GSDMB: variants seen among roughly 807,000 people sequenced by gnomAD.
The protein encoded by GSDMB is gasdermin B, also known as gasdermin-B.
GSDMB carries 32 observed loss-of-function variants against 42.9 expected under a neutral mutation model. The ratio of observed to expected loss-of-function variants is 0.75; its 90% CI spans 0.56 to 1.00. The LOEUF is 1.00. Among genes scored for constraint, GSDMB ranks in the 50% least tolerant of loss-of-function variants. The pLI, the probability that GSDMB is intolerant of heterozygous loss-of-function variation, is 0.00. For missense variants in GSDMB, 468 were observed against 498.5 expected, an observed-to-expected ratio of 0.94 and a Z score of 0.58; for synonymous variants, 175 against 193.7, an observed-to-expected ratio of 0.90 and a Z score of 0.80.
intron 2 of GSDMB, 31 bp downstream of exon 2, chr17:39,917,051 G>A: frequency 2.7e-6 from 4 of 1,456,866 alleles, no homozygotes; most frequent in South Asian, 2.3e-5. Context: ...AGGCCTCCTG[G>A]CTGGCCACCT....
rs761547685 is a variant in GSDMB, at chr17:39,909,879, C to A, written c.453G>T (p.Thr151=). ...ELPFSFRSIN[T]RENLYLVTET... ...CTGTCACCAGATACAGGTTTTCTCT[C>A]GTATTAATTGATCGGAATGAAAAGG... The change falls in exon 4 of 11, where the codon ACG becomes ACT. Residue 151 remains threonine (T), a synonymous_variant. Transcript: ENST00000418519. 2.5e-6 allele frequency: 4 copies of A among 1,613,726 alleles called. No homozygotes were observed. The highest frequency in any genetic ancestry group is 3.4e-6 in the Non-Finnish European group (4 of 1,179,606).
chr17:39,912,610 T>G (rs1341452817), intron 2 of GSDMB, 113 bp from the exon 3 acceptor site: 1 of 776,118 alleles, frequency 1.3e-6, no homozygotes, highest in Non-Finnish European at 2.2e-6. Flanking sequence ...TCCCCCTCCC[T>G]TCTGAGGGAG....
intron 3 of GSDMB, among the ~76,000 whole-genome samples, chr17:39,910,219 G>A (rs1456234510): frequency 6.6e-6 from 1 of 152,166 alleles, no homozygotes; most frequent in East Asian, 1.9e-4. Context: ...AGCTACTCAG[G>A]AGGCTGAGAC....
Position 39,904,732 on chromosome 17 carries a change from G to T in GSDMB, c.*80C>A. On this transcript the variant is annotated 3_prime_UTR_variant, in exon 11 of 11. Transcript: ENST00000418519. ...TTTTAAAGAGGTCCCACTGGTGACAGGATGGTAGTGGCGATGGCAGTGAGG... is the reference window on the plus strand; with the variant it reads ...TTTTAAAGAGGTCCCACTGGTGACATGATGGTAGTGGCGATGGCAGTGAGG... 1 of 1,174,622 alleles carries T rather than the reference G, an allele frequency of 8.5e-7. No individual in the cohort carries two copies. The highest frequency in any genetic ancestry group is 1.2e-6 in the Non-Finnish European group (1 of 804,804). The allele number at this position is 1,174,622 out of a possible 1,614,324, so 72.8% of individuals were successfully genotyped here.
intron 2 of GSDMB, 94 bp from the exon 3 acceptor site, chr17:39,912,591 G>A (rs2063632404): frequency 8.7e-6 from 8 of 917,388 alleles, no homozygotes; most frequent in South Asian, 8.2e-5. Flanking sequence ...CCTGGGTTCC[G>A]TGCCACCATC....
Position 39,911,975 on chromosome 17 carries a change from C to A in GSDMB, c.407+351G>T, listed in dbSNP as rs369742244. 1.2e-3 allele frequency among the ~76,000 whole-genome samples: 188 copies of A among 151,862 alleles called. 8 individuals are homozygous for A. The South Asian group carries it at 0.038, about 31-fold the overall frequency. On this transcript the variant is annotated intron_variant, in intron 3 of 10. Transcript: ENST00000418519. Reference sequence around the variant, plus strand: ...CAAAAACCAAACAAAAAAAAAACAACCAGGTTTGTCCAAGTCAGAGGAATT... The same window carrying A: ...CAAAAACCAAACAAAAAAAAAACAAACAGGTTTGTCCAAGTCAGAGGAATT...
rs551449472 is a variant in GSDMB, at chr17:39,918,546, C to T, written c.-27G>A. The T allele has an allele frequency of 1.3e-5, 2 of 152,538 alleles. No homozygotes were observed. Among genetic ancestry groups the T allele is most frequent in the African/African-American group, 4.8e-5 (2 of 41,556 alleles). The allele number at this position is 152,538 out of a possible 1,614,324, so 9.4% of individuals were successfully genotyped here. On this transcript the variant is annotated 5_prime_UTR_variant, in exon 1 of 11. Transcript: ENST00000418519. ...AAGTGGTACCCACCTCCTCTCTGAC[C>T]TCAGCTGTTCACCAGAAATGGAAGT...
At position 39,917,491 on chromosome 17, in the gene GSDMB, C is replaced by T. The variant is rs529427200; in HGVS notation, c.-14-161G>A. 1,180 of 598,046 alleles carry T rather than the reference C, an allele frequency of 2.0e-3. 1 individual carries two copies. The highest frequency in any genetic ancestry group is 2.8e-3 in the Non-Finnish European group (938 of 334,212). 37.0% of individuals were successfully genotyped at this position (598,046 alleles called of 1,614,324 possible). On this transcript the variant is annotated intron_variant, in intron 1 of 10. Transcript: ENST00000418519. ...TATACATCCAGATGGCCTGAAGCAA[C>T]TGAAGATCCACAAAAGAAATGAAAA...
intron 2 of GSDMB, 71 bp from the exon 3 acceptor site, chr17:39,912,568 G>A: frequency 2.4e-6 from 3 of 1,229,970 alleles, no homozygotes; most frequent in South Asian, 2.4e-5. Context: ...CACCCTCCCT[G>A]GGGCAGCCCC....
intron 2 of GSDMB, among the ~76,000 whole-genome samples, chr17:39,912,735 GGTA>G (rs1225754476): frequency 6.6e-6 from 1 of 152,128 alleles, no homozygotes; most frequent in Non-Finnish European, 1.5e-5. Flanking sequence ...CATGACCTTG[GGTA>G]AGTCACTTAA....
Position 39,917,147 on chromosome 17 carries a change from G to C in GSDMB, c.170C>G (p.Thr57Ser), listed in dbSNP as rs2144722379. 2 of 1,614,110 alleles carry C rather than the reference G, an allele frequency of 1.2e-6. No individual in the cohort carries two copies. Among genetic ancestry groups the C allele is most frequent in the East Asian group, 4.5e-5 (2 of 44,886 alleles). The change falls in exon 2 of 11, where the codon ACC becomes AGC. Residue 57 changes from threonine (T) to serine (S), a missense_variant. Physicochemically the swap from Thr to Ser is moderately conservative, Grantham distance 58 (BLOSUM62 1). Transcript: ENST00000418519. Reference sequence around the variant, plus strand: ...ATCTGTGTCCAGAATGTCCATCAGGGTGAGGCCTGTTGTGTAGTGCCGGCA... The same window carrying C: ...ATCTGTGTCCAGAATGTCCATCAGGCTGAGGCCTGTTGTGTAGTGCCGGCA... ...FGCRHYTTGL[T>S]LMDILDTDGD...
rs2063513604 is a variant in GSDMB, at chr17:39,906,840, A to T, written c.727+121T>A. 15 of 1,563,674 alleles carry T rather than the reference A, an allele frequency of 9.6e-6. No homozygotes were observed. The Admixed American group carries it at 2.7e-4, about 28-fold the overall frequency. ...CTCCAGACTAAAGTTGAAACCTGCT[A>T]GGCAGTGCCTCCCGACTTCCTACCC... is the stretch of plus-strand genomic sequence containing the variant. On this transcript the variant is annotated intron_variant, in intron 7 of 10. Transcript: ENST00000418519.
chr17:39,912,255 C>T, intron 3 of GSDMB, 71 bp downstream of exon 3: 1 of 1,062,158 alleles, frequency 9.4e-7, no homozygotes, highest in South Asian at 1.5e-5. Flanking sequence ...GCCGGTCTGC[C>T]ACCCTTGAAT....
rs1598272017 is a variant in GSDMB at position 39,904,613 on chromosome 17, C to T, written c.*199G>A. 2 of 499,774 alleles carry T rather than the reference C, an allele frequency of 4.0e-6. No homozygotes were observed. The highest frequency in any genetic ancestry group is 6.5e-5 in the East Asian group (2 of 30,802). The allele number at this position is 499,774 out of a possible 1,614,324, so 31.0% of individuals were successfully genotyped here. On this transcript the variant is annotated 3_prime_UTR_variant, in exon 11 of 11. Coordinates refer to ENST00000418519, the MANE Select transcript of GSDMB (RefSeq NM_001165958.2). ...GACAAAATTAACATGCACAACCTGCCACTTTTAATCAGAAGTCCATGTATG... is the reference window on the plus strand; with the variant it reads ...GACAAAATTAACATGCACAACCTGCTACTTTTAATCAGAAGTCCATGTATG...
intron 2 of GSDMB, among the ~76,000 whole-genome samples, chr17:39,914,212 C>T (rs1181680515): frequency 6.6e-6 from 1 of 152,070 alleles, no homozygotes; most frequent in Non-Finnish European, 1.5e-5. Context: ...TAGGAATGGT[C>T]CTTTACCTCT....
chr17:39,909,721 T>G (rs772190271), intron 4 of GSDMB, 35 bp downstream of exon 4: 4 of 1,592,534 alleles, frequency 2.5e-6, no homozygotes, highest in Non-Finnish European at 3.4e-6. Context: ...GGGCCAACAC[T>G]GGCCTCCACA....
intron 1 of GSDMB, chr17:39,918,146 G>C (rs1049878829): frequency 1.3e-5 from 2 of 152,248 alleles, no homozygotes; most frequent in Non-Finnish European, 2.9e-5. Flanking sequence ...GAACCAGGGA[G>C]GAATGACGGG....
chr17:39,909,882 A>C lies in GSDMB; in HGVS notation c.450T>G (p.Asn150Lys), dbSNP rs772889867. The change falls in exon 4 of 11, where the codon AAT becomes AAG. Residue 150 changes from asparagine to lysine, a missense_variant. Coordinates refer to ENST00000418519, the MANE Select transcript of GSDMB (RefSeq NM_001165958.2). ...RELPFSFRSI[N>K]TRENLYLVTE... ...TCACCAGATACAGGTTTTCTCTCGT[A>C]TTAATTGATCGGAATGAAAAGGGTA... is the stretch of plus-strand genomic sequence containing the variant. 6.2e-7 allele frequency: 1 copy of C among 1,613,938 alleles called. No individual in the cohort carries two copies. Among genetic ancestry groups the C allele is most frequent in the East Asian group, 2.2e-5 (1 of 44,890 alleles).
intron 6 of GSDMB, 151 bp from the exon 7 acceptor site, chr17:39,907,138 T>G: frequency 6.8e-7 from 1 of 1,480,644 alleles, no homozygotes; most frequent in Non-Finnish European, 9.0e-7. Context: ...CGTGTGTCAA[T>G]GGGAAAGCAC....
Sources: allele counts gnomAD v4.1 joint callset (sites outside exome capture counted in the v4.1 genomes callset), GRCh38; gene constraint gnomAD v4.1.1; transcripts MANE v1.5; gene names NCBI Gene and HGNC (gene_info 2026-07-23, HGNC 2026-07-21).